The following H2BC4 variants were observed in gnomAD, a reference collection of about 807,000 sequenced individuals.
H2BC4 encodes the protein H2B clustered histone 4, also known as histone H2B type 1-C/E/F/G/I.
Under a neutral mutation model 6.2 loss-of-function variants are expected in H2BC4, and 10 were observed. The observed-to-expected ratio is 1.61, with a 90% confidence interval of 0.99 to 2.73. H2BC4 has a LOEUF of 2.73. Among genes scored for constraint, H2BC4 ranks in the 30% most tolerant of loss-of-function variants. H2BC4 has a pLI of 0.00. For synonymous variants in H2BC4, 146 were observed against 70.7 expected, an observed-to-expected ratio of 2.07 and a Z score of -5.35; for missense variants, 176 against 168.7, an observed-to-expected ratio of 1.04 and a Z score of -0.24.
At position 26,123,480 on chromosome 6, in the gene H2BC4, A is replaced by G. The variant is rs749798602; in HGVS notation, c.*44T>C. 3 of 1,611,372 alleles carry G rather than the reference A, an allele frequency of 1.9e-6. No homozygotes were observed. Among genetic ancestry groups the G allele is most frequent in the South Asian group, 2.2e-5 (2 of 90,878 alleles). The stretch of plus-strand genomic sequence containing the variant: ...TTAGTGGGTATCTGGGTGGCTCTTA[A>G]AAGAGCCTTTGGGGTTAGGTGTTAA... On this transcript the variant is annotated 3_prime_UTR_variant, in exon 1 of 1. Coordinates refer to ENST00000396984, the MANE Select transcript of H2BC4 (RefSeq NM_003526.3).
downstream of H2BC4, among the ~76,000 whole-genome samples, chr6:26,122,540 G>A (rs146068469): frequency 8.7e-4 from 133 of 152,318 alleles, 3 homozygotes; most frequent in South Asian, 0.022. Context: ...TAGGAAGGGA[G>A]AGTCCTCTAG....
chr6:26,123,657 T>A lies in H2BC4; in HGVS notation c.248A>T (p.His83Leu), dbSNP rs1763552801. ...RIAGEASRLA[H>L]YNKRSTITSR... is the part of the protein sequence containing the mutation. ...GGTGATGGTCGAGCGCTTGTTGTAA[T>A]GCGCCAGGCGGGAAGCCTCGCCCGC... The change falls in exon 1 of 1, where the codon CAT (histidine) becomes CTT (leucine). Residue 83 changes from histidine to leucine, a missense_variant. By Grantham distance (99) the His-to-Leu change is moderately conservative. Coordinates refer to ENST00000396984, the MANE Select transcript of H2BC4 (RefSeq NM_003526.3). The A allele has an allele frequency of 8.1e-6, 13 of 1,614,268 alleles. No individual in the cohort carries two copies. Among genetic ancestry groups the A allele is most frequent in the Non-Finnish European group, 1.1e-5 (13 of 1,180,042 alleles).
chr6:26,117,901 AAAACAATTAGTGATTCTCTAG>A (rs1239672372), intron 1 of H2BC4, among the ~76,000 whole-genome samples: 2,380 of 152,256 alleles, frequency 0.016, 66 homozygotes, highest in African/African-American at 0.051. Context: ...ATGTTAAAAG[AAAACAATTAGTGATTCTCTAG>A]AAACAATTAG....
intron 1 of H2BC4, among the ~76,000 whole-genome samples, chr6:26,117,758 TA>T (rs1280684907): frequency 6.6e-6 from 1 of 152,230 alleles, no homozygotes; most frequent in Admixed American, 6.5e-5. Flanking sequence ...CAAAGTATTT[TA>T]AAAAGATGAT....
At chr6:26,115,358 T>C (rs1763405663) in intron 1 of H2BC4, among the ~76,000 whole-genome samples, 1 of 152,160 alleles carries the variant, frequency 6.6e-6, no homozygotes. Context: ...GCGTTATAGA[T>C]GAGGAAATTA....
chr6:26,122,495 G>C (rs1022751834), downstream of H2BC4, among the ~76,000 whole-genome samples: 1 of 152,156 alleles, frequency 6.6e-6, no homozygotes, highest in African/African-American at 2.4e-5. Flanking sequence ...AGGGAATGTG[G>C]AATTTCCCAG....
downstream of H2BC4, among the ~76,000 whole-genome samples, chr6:26,123,086 C>T (rs1581412563): frequency 6.6e-6 from 1 of 152,174 alleles, no homozygotes; most frequent in Non-Finnish European, 1.5e-5. Context: ...CTCAAAACAG[C>T]TTTCCCTCGA....
At chr6:26,123,296 C>T (rs1561955153), downstream of H2BC4, 3 of 729,360 alleles carry the variant, frequency 4.1e-6, no homozygotes, top group Non-Finnish European at 6.2e-6. Flanking sequence ...TTAAGCACAA[C>T]GAATTGACCC....
intron 1 of H2BC4, among the ~76,000 whole-genome samples, chr6:26,116,482 C>T (rs185576521): frequency 9.9e-5 from 15 of 152,194 alleles, no homozygotes; most frequent in Admixed American, 9.8e-4. Context: ...CACTTAAGCC[C>T]AGGAGTTTGA....
chr6:26,123,905 C>T lies in H2BC4; in HGVS notation c.-1G>A, dbSNP rs772024840. On this transcript the variant is annotated 5_prime_UTR_variant, in exon 1 of 1. Coordinates refer to ENST00000396984, the MANE Select transcript of H2BC4 (RefSeq NM_003526.3). ...GAGCAGACTTGGCTGGCTCAGGCAT[C>T]TTAAAACACCAGAAATGTGTCGAAA... 64 of 1,612,740 alleles carry T rather than the reference C, an allele frequency of 4.0e-5. No homozygotes were observed. The highest frequency in any genetic ancestry group is 5.3e-5 in the Non-Finnish European group (62 of 1,179,774).
downstream of H2BC4, among the ~76,000 whole-genome samples, chr6:26,119,551 G>C (rs1763471417): frequency 6.6e-6 from 1 of 151,966 alleles, no homozygotes; most frequent in Non-Finnish European, 1.5e-5. Flanking sequence ...TTTTAAAAAT[G>C]ACATTATCTA....
downstream of H2BC4, among the ~76,000 whole-genome samples, chr6:26,121,766 C>T (rs1490170174): frequency 6.6e-6 from 1 of 151,118 alleles, no homozygotes; most frequent in Non-Finnish European, 1.5e-5. Flanking sequence ...AAAAAAAAAC[C>T]ATTTAGGCCC....
Position 26,123,651 on chromosome 6 carries a change from T to A in H2BC4, c.254A>T (p.Asn85Ile). The change falls in exon 1 of 1, where the codon AAC becomes ATC. Residue 85 changes from asparagine (N) to isoleucine (I), a missense_variant. Asn to Ile is a moderately radical substitution (Grantham distance 149, BLOSUM62 -3). Coordinates refer to ENST00000396984, the MANE Select transcript of H2BC4 (RefSeq NM_003526.3). ...CCTGGAGGTGATGGTCGAGCGCTTG[T>A]TGTAATGCGCCAGGCGGGAAGCCTC... The part of the protein sequence containing the change: ...AGEASRLAHY[N>I]KRSTITSREI... 6.2e-7 allele frequency: 1 copy of A among 1,614,252 alleles called. No individual in the cohort carries two copies. Among genetic ancestry groups the A allele is most frequent in the Non-Finnish European group, 8.5e-7 (1 of 1,180,042 alleles).
At chr6:26,122,303 A>C (rs1763509528), downstream of H2BC4, among the ~76,000 whole-genome samples, 1 of 152,216 alleles carries the variant, frequency 6.6e-6, no homozygotes, top group South Asian at 2.1e-4. Flanking sequence ...CATGGTATTT[A>C]AGTTTGTAAA....
downstream of H2BC4, among the ~76,000 whole-genome samples, chr6:26,122,048 C>T (rs1763503720): frequency 2.1e-5 from 2 of 95,990 alleles, no homozygotes; most frequent in Admixed American, 1.1e-4. Flanking sequence ...AGAGAAACTT[C>T]GTCTCAAAAA....
chr6:26,119,250 T>C (rs1763467221), downstream of H2BC4, among the ~76,000 whole-genome samples: 1 of 152,152 alleles, frequency 6.6e-6, no homozygotes, highest in Non-Finnish European at 1.5e-5. Context: ...AAATCTAAAG[T>C]GGCGAAAGCA....
At chr6:26,123,263 G>C (rs1763533126), downstream of H2BC4, 1 of 578,034 alleles carries the variant, frequency 1.7e-6, no homozygotes, top group African/African-American at 1.9e-5. Flanking sequence ...TTAGCAAAAT[G>C]GCCGCTTGTC....
chr6:26,121,590 C>A (rs546189801), downstream of H2BC4, among the ~76,000 whole-genome samples: 1 of 152,052 alleles, frequency 6.6e-6, no homozygotes, highest in Non-Finnish European at 1.5e-5. Flanking sequence ...ATTATTTCAT[C>A]TAACACAGGC....
At chr6:26,116,967 TTTTAA>T (rs1360114053) in intron 1 of H2BC4, among the ~76,000 whole-genome samples, 1 of 152,198 alleles carries the variant, frequency 6.6e-6, no homozygotes, top group Non-Finnish European at 1.5e-5. Context: ...TTTTAATGTC[TTTTAA>T]TTTAGGACTA....
Sources: allele counts gnomAD v4.1 joint callset (sites outside exome capture counted in the v4.1 genomes callset), GRCh38; gene constraint gnomAD v4.1.1; transcripts MANE v1.5; gene names NCBI Gene and HGNC (gene_info 2026-07-23, HGNC 2026-07-21).